CSMD1: variants seen among roughly 807,000 people sequenced by gnomAD.
The protein encoded by CSMD1 is CUB and sushi domain-containing protein 1.
CSMD1 carries 213 observed loss-of-function variants against 417.5 expected under a neutral mutation model. The ratio of observed to expected loss-of-function variants is 0.51; its 90% confidence interval spans 0.46 to 0.57. The LOEUF is 0.57. CSMD1 is among the 20% of genes least tolerant of loss of function. CSMD1 has a pLI of 0.00. For synonymous variants in CSMD1, 2,862 were observed against 1,736.8 expected, an observed-to-expected ratio of 1.65 and a Z score of -16.11; for missense variants, 6,923 against 4,529.7, an observed-to-expected ratio of 1.53 and a Z score of -15.17.
Position 3,307,877 on chromosome 8 carries a change from T to C in CSMD1, c.3824-56A>G, listed in dbSNP as rs894654321. On this transcript the variant is annotated intron_variant, in intron 24 of 69. Transcript: ENST00000635120. ...CAGCTTCAGGCATCACATGTTTCTA[T>C]TTAGCTACTTTTCAAAACCAAAGCC... 14 of 1,571,944 alleles carry C rather than the reference T, an allele frequency of 8.9e-6. No homozygotes were observed. In the African/African-American group the frequency reaches 1.8e-4, roughly 20 times the overall value.
In CSMD1 at chr8:3,386,914, G is replaced by A. The variant is rs574455526; in HGVS notation, c.2782+580C>T. On this transcript the variant is annotated intron_variant, in intron 18 of 69. Coordinates refer to ENST00000635120, the MANE Select transcript of CSMD1 (RefSeq NM_033225.6). ...TACACACAGCATAGTATAACGTTGA[G>A]CAATACAATAACACAAAATAATCAG... is the stretch of plus-strand genomic sequence containing the variant. Among the ~76,000 whole-genome samples, 12 of 152,250 alleles carry A rather than the reference G, an allele frequency of 7.9e-5. 1 individual carries two copies. The South Asian group carries it at 2.5e-3, about 32-fold the overall frequency.
intron 30 of CSMD1, among the ~76,000 whole-genome samples, chr8:3,209,494 A>AT (rs1309831178): frequency 6.6e-6 from 1 of 151,200 alleles, no homozygotes; most frequent in African/African-American, 2.4e-5. Flanking sequence ...TTTTTTTGTA[A>AT]TTTTTTAGTG....
At chr8:3,827,502 C>G (rs79218219) in intron 5 of CSMD1, among the ~76,000 whole-genome samples, 1 of 152,108 alleles carries the variant, frequency 6.6e-6, no homozygotes, top group Non-Finnish European at 1.5e-5. Context: ...CTTGTAATTC[C>G]TCTGTGACAT....
chr8:4,101,764 T>TA (rs1319167031), intron 3 of CSMD1, among the ~76,000 whole-genome samples: 1 of 152,182 alleles, frequency 6.6e-6, no homozygotes, highest in African/African-American at 2.4e-5. Context: ...AGCTTTTGCT[T>TA]AGGACAGCAA....
At chr8:4,342,081 C>T (rs1002122491) in intron 3 of CSMD1, among the ~76,000 whole-genome samples, 4 of 152,026 alleles carry the variant, frequency 2.6e-5, no homozygotes, top group Admixed American at 1.3e-4. Flanking sequence ...GTTCAAGTAG[C>T]GCAAGCCATC....
intron 10 of CSMD1, among the ~76,000 whole-genome samples, chr8:3,552,667 T>A (rs552874638): frequency 3.3e-5 from 5 of 152,358 alleles, no homozygotes; most frequent in East Asian, 3.9e-4. Flanking sequence ...AGTATTCACA[T>A]CAACATTGTT....
At chr8:3,806,269 C>T (rs1800736069) in intron 5 of CSMD1, among the ~76,000 whole-genome samples, 1 of 152,202 alleles carries the variant, frequency 6.6e-6, no homozygotes, top group Admixed American at 6.5e-5. Context: ...GGATGGAAGG[C>T]CTAGTTTTCA....
At chr8:4,347,272 A>C (rs571328082) in intron 3 of CSMD1, among the ~76,000 whole-genome samples, 1 of 152,224 alleles carries the variant, frequency 6.6e-6, no homozygotes, top group South Asian at 2.1e-4. Flanking sequence ...GGGTAATCTC[A>C]CCTTGGCCCT....
chr8:4,854,405 T>C (rs1198752774), intron 1 of CSMD1, among the ~76,000 whole-genome samples: 1 of 151,992 alleles, frequency 6.6e-6, no homozygotes, highest in Non-Finnish European at 1.5e-5. Flanking sequence ...CCACTCCGGA[T>C]CGAGCCAAGA....
At chr8:3,727,838 C>T (rs1052028034) in intron 6 of CSMD1, among the ~76,000 whole-genome samples, 9 of 152,090 alleles carry the variant, frequency 5.9e-5, no homozygotes, top group East Asian at 1.9e-4. Flanking sequence ...TAGGGCAGTG[C>T]GCCAGGTGAA....
intron 11 of CSMD1, among the ~76,000 whole-genome samples, chr8:3,487,861 G>A (rs981905859): frequency 2.0e-5 from 3 of 151,750 alleles, no homozygotes; most frequent in African/African-American, 7.3e-5. Context: ...ACCTCACTTA[G>A]TAACATTACC....
chr8:4,434,091 A>C, intron 2 of CSMD1, among the ~76,000 whole-genome samples: 1 of 152,176 alleles, frequency 6.6e-6, no homozygotes, highest in East Asian at 1.9e-4. Context: ...TGATCCCAGC[A>C]CTTTGGGAGG....
chr8:3,705,082 A>C (rs1237296083), intron 7 of CSMD1, among the ~76,000 whole-genome samples: 1 of 152,236 alleles, frequency 6.6e-6, no homozygotes, highest in Non-Finnish European at 1.5e-5. Flanking sequence ...TTGGAGAAGA[A>C]GCCAGTCAGG....
intron 68 of CSMD1, among the ~76,000 whole-genome samples, chr8:2,948,946 G>T (rs1246022598): frequency 6.7e-6 from 1 of 150,174 alleles, no homozygotes; most frequent in East Asian, 1.9e-4. Flanking sequence ...TATGTTTGTT[G>T]GCCACTTTTA....
intron 3 of CSMD1, among the ~76,000 whole-genome samples, chr8:4,108,029 G>C (rs1381572253): frequency 3.3e-5 from 5 of 151,700 alleles, no homozygotes; most frequent in African/African-American, 1.2e-4. Flanking sequence ...GCAGGGGAGA[G>C]AGAGAGAGAG....
intron 7 of CSMD1, among the ~76,000 whole-genome samples, chr8:3,620,463 T>A (rs750272268): frequency 6.6e-6 from 1 of 152,166 alleles, no homozygotes; most frequent in African/African-American, 2.4e-5. Flanking sequence ...AAAATAATTA[T>A]GCATTTACGC....
At chr8:4,422,564 G>C (rs1257359308) in intron 2 of CSMD1, among the ~76,000 whole-genome samples, 3 of 152,176 alleles carry the variant, frequency 2.0e-5, no homozygotes, top group South Asian at 2.1e-4. Context: ...GTCAGGAAGA[G>C]AGCCCTCACC....
At chr8:3,436,052 C>A (rs527489884) in intron 12 of CSMD1, among the ~76,000 whole-genome samples, 88 of 152,288 alleles carry the variant, frequency 5.8e-4, no homozygotes, top group African/African-American at 2.1e-3. Flanking sequence ...TTCACCAGCA[C>A]TCCCTTCCAG....
At chr8:3,538,616 A>G (rs544080876) in intron 10 of CSMD1, among the ~76,000 whole-genome samples, 180 of 152,312 alleles carry the variant, frequency 1.2e-3, no homozygotes, top group African/African-American at 4.2e-3. Context: ...CCCATTCCCC[A>G]CCACTCAACA....
Sources: allele counts gnomAD v4.1 joint callset (sites outside exome capture counted in the v4.1 genomes callset), GRCh38; gene constraint gnomAD v4.1.1; transcripts MANE v1.5; gene names NCBI Gene and HGNC (gene_info 2026-07-23, HGNC 2026-07-21).